Variants in CIAO2A observed in about 807,000 individuals in gnomAD.
CIAO2A encodes the protein MIP18 family protein FAM96A.
In CIAO2A, 17 loss-of-function variants were observed where a neutral mutation model predicts 22.4. The observed-to-expected ratio is 0.76, with a 90% confidence interval of 0.52 to 1.14. CIAO2A has a LOEUF of 1.14. Ranked by LOEUF, CIAO2A falls within the 50% of genes most tolerant of loss-of-function variation. CIAO2A has a pLI of 0.00. For synonymous variants in CIAO2A, 74 were observed against 72.3 expected, an observed-to-expected ratio of 1.02 and a Z score of -0.12; for missense variants, 192 against 191.4, an observed-to-expected ratio of 1.00 and a Z score of -0.02.
chr15:64,083,367 C>T (rs1375103977), intron 2 of CIAO2A, among the ~76,000 whole-genome samples: 2 of 152,060 alleles, frequency 1.3e-5, no homozygotes, highest in Non-Finnish European at 2.9e-5. Context: ...TCCCATTGGA[C>T]CACAGCTGCC....
At chr15:64,085,173 C>G (rs2080784384) in intron 2 of CIAO2A, among the ~76,000 whole-genome samples, 1 of 152,168 alleles carries the variant, frequency 6.6e-6, no homozygotes, top group African/African-American at 2.4e-5. Context: ...AGAAGTAGTC[C>G]AAATGGTTAC....
intron 3 of CIAO2A, among the ~76,000 whole-genome samples, chr15:64,078,722 G>A (rs564005116): frequency 1.3e-5 from 2 of 151,864 alleles, no homozygotes; most frequent in East Asian, 3.9e-4. Context: ...AGTTAGAAAA[G>A]GACACTCTCT....
At position 64,072,798 on chromosome 15, in the gene CIAO2A, C is replaced by T; in HGVS notation, c.*133G>A. The T allele has an allele frequency of 1.8e-6, 1 of 556,444 alleles. No homozygotes were observed. The highest frequency in any genetic ancestry group is 2.9e-5 in the East Asian group (1 of 34,248). The allele number at this position is 556,444 out of a possible 1,614,324, so 34.5% of individuals were successfully genotyped here. On this transcript the variant is annotated 3_prime_UTR_variant, in exon 5 of 5. Coordinates refer to ENST00000300030, the MANE Select transcript of CIAO2A (RefSeq NM_032231.7). ...GGTACTACCTTATAATTAAATCTCG[C>T]TTGGAAAGAATCCTTTAAAAAATAC...
Position 64,081,154 on chromosome 15 carries a change from G to A in CIAO2A, c.290-3C>T. The A allele has an allele frequency of 6.2e-7, 1 of 1,612,350 alleles. No individual in the cohort carries two copies. The highest frequency in any genetic ancestry group is 8.5e-7 in the Non-Finnish European group (1 of 1,179,276). On this transcript the variant is annotated splice_region_variant and splice_polypyrimidine_tract_variant and intron_variant, in intron 2 of 4. Transcript: ENST00000300030. ...AAGTTTTACTCTTAAGCACAGCCCT[G>A]TGGAGGGAAAATCACACCTCCAATT...
At position 64,073,024 on chromosome 15, in the gene CIAO2A, A is replaced by G; in HGVS notation, c.390T>C (p.Asn130=). The part of the protein sequence containing the change: ...EGTHSTEEDI[N]KQINDKERVA... Reference sequence around the variant, plus strand: ...CTCGCTCTTTGTCATTTATCTGCTTATTGACTGAAAAATACACAGACAAAA... The same window carrying G: ...CTCGCTCTTTGTCATTTATCTGCTTGTTGACTGAAAAATACACAGACAAAA... The change falls in exon 5 of 5, where the codon AAT becomes AAC. Residue 130 remains asparagine, a synonymous_variant. Coordinates refer to ENST00000300030, the MANE Select transcript of CIAO2A (RefSeq NM_032231.7). The G allele has an allele frequency of 6.2e-7, 1 of 1,610,808 alleles. No individual in the cohort carries two copies. Among genetic ancestry groups the G allele is most frequent in the Non-Finnish European group, 8.5e-7 (1 of 1,177,262 alleles).
intron 4 of CIAO2A, among the ~76,000 whole-genome samples, 167 bp from the exon 5 acceptor site, chr15:64,073,195 G>C (rs1174412750): frequency 6.6e-6 from 1 of 152,140 alleles, no homozygotes; most frequent in Non-Finnish European, 1.5e-5. Flanking sequence ...GCAGACTTAA[G>C]AGAAAAATAT....
intron 3 of CIAO2A, among the ~76,000 whole-genome samples, chr15:64,077,292 C>T (rs1567304846): frequency 1.4e-5 from 2 of 142,218 alleles, no homozygotes; most frequent in African/African-American, 4.9e-5. Context: ...AGCGAGACTC[C>T]GTCTCAACAA....
intron 1 of CIAO2A, among the ~76,000 whole-genome samples, chr15:64,091,280 T>C (rs189906864): frequency 1.3e-5 from 2 of 151,122 alleles, no homozygotes; most frequent in African/African-American, 4.9e-5. Context: ...AGTTCAGGAG[T>C]TCAAGACCAG....
intron 1 of CIAO2A, among the ~76,000 whole-genome samples, chr15:64,092,709 C>T (rs2080850339): frequency 6.6e-6 from 1 of 152,192 alleles, no homozygotes; most frequent in African/African-American, 2.4e-5. Flanking sequence ...AGAGGTCAAC[C>T]AAATTAGCTC....
chr15:64,081,151 C>T lies in CIAO2A; in HGVS notation c.290G>A (p.Gly97Glu). The change falls in exon 3 of 5, where the codon GGG (glycine) becomes GAG (glutamate). Residue 97 changes from glycine to glutamate, a missense_variant and splice_region_variant. Coordinates refer to ENST00000300030, the MANE Select transcript of CIAO2A (RefSeq NM_032231.7). The stretch of plus-strand genomic sequence containing the variant: ...CTGAAGTTTTACTCTTAAGCACAGC[C>T]CTGTGGAGGGAAAATCACACCTCCA... ...VPHCSLATLIGLCLRVKLQRC... is the reference protein window; with the variant it reads ...VPHCSLATLIELCLRVKLQRC... 6.2e-7 allele frequency: 1 copy of T among 1,612,428 alleles called. No individual in the cohort carries two copies. The highest frequency in any genetic ancestry group is 8.5e-7 in the Non-Finnish European group (1 of 1,179,376).
At chr15:64,088,484 A>G (rs2080814496) in intron 2 of CIAO2A, among the ~76,000 whole-genome samples, 1 of 152,206 alleles carries the variant, frequency 6.6e-6, no homozygotes, top group South Asian at 2.1e-4. Flanking sequence ...CATCTGCAAA[A>G]TGAAGATAAT....
chr15:64,091,314 G>T (rs971685974), intron 1 of CIAO2A, among the ~76,000 whole-genome samples: 3 of 151,996 alleles, frequency 2.0e-5, no homozygotes, highest in African/African-American at 7.2e-5. Context: ...GCAAAAACCC[G>T]TCTCTACTAA....
intron 3 of CIAO2A, among the ~76,000 whole-genome samples, chr15:64,079,535 CA>C (rs976796525): frequency 1.6e-4 from 24 of 152,018 alleles, no homozygotes; most frequent in African/African-American, 5.8e-4. Context: ...CAACAGCAAA[CA>C]AAAAAGATGT....
At chr15:64,079,978 T>G (rs937705418) in intron 3 of CIAO2A, among the ~76,000 whole-genome samples, 11 of 152,314 alleles carry the variant, frequency 7.2e-5, no homozygotes, top group Non-Finnish European at 1.0e-4. Flanking sequence ...AAAGACATCC[T>G]TATTTTAAAA....
At chr15:64,082,264 T>A (rs2080763691) in intron 2 of CIAO2A, among the ~76,000 whole-genome samples, 1 of 152,210 alleles carries the variant, frequency 6.6e-6, no homozygotes, top group Non-Finnish European at 1.5e-5. Context: ...AGTCTTGCTC[T>A]ATTGCCCAGG....
At chr15:64,079,058 A>G (rs1282922068) in intron 3 of CIAO2A, among the ~76,000 whole-genome samples, 2 of 152,066 alleles carry the variant, frequency 1.3e-5, no homozygotes, top group East Asian at 3.8e-4. Context: ...AACAAAAAGA[A>G]AGAGCCACGG....
intron 2 of CIAO2A, among the ~76,000 whole-genome samples, chr15:64,088,417 T>A (rs1302412749): frequency 6.6e-6 from 1 of 152,194 alleles, no homozygotes; most frequent in African/African-American, 2.4e-5. Flanking sequence ...AGTTTCACCA[T>A]TTCCTGGCTA....
At chr15:64,088,657 AAATATAC>A in intron 2 of CIAO2A, 23 bp downstream of exon 2, 1 of 1,522,646 alleles carries the variant, frequency 6.6e-7, no homozygotes, top group East Asian at 2.3e-5. Flanking sequence ...GAATTTATAT[AAATATAC>A]ATGTATGTAC....
intron 1 of CIAO2A, among the ~76,000 whole-genome samples, chr15:64,092,755 G>A (rs943168593): frequency 3.3e-5 from 5 of 152,106 alleles, no homozygotes; most frequent in African/African-American, 1.2e-4. Flanking sequence ...CCTTCTACTG[G>A]CCTATAATCC....
Sources: gnomAD v4.1 joint callset for allele counts (sites outside exome capture counted in the v4.1 genomes callset) on GRCh38, gnomAD v4.1.1 for gene constraint, MANE v1.5 for transcripts, NCBI Gene and HGNC (gene_info 2026-07-23, HGNC 2026-07-21) for gene names.